The following NIPBL variants were observed in gnomAD, a reference collection of about 807,000 sequenced individuals.
NIPBL encodes nipped-B-like protein.
In NIPBL, 19 loss-of-function variants were observed where a neutral mutation model predicts 321.8. That is an observed-to-expected ratio of 0.06 (90% CI 0.04 to 0.09). The LOEUF (loss-of-function observed/expected upper bound fraction) is 0.09. NIPBL is among the 10% of genes least tolerant of loss of function. The pLI, the probability that NIPBL is intolerant of heterozygous loss-of-function variation, is 1.00. For missense variants in NIPBL, 2,210 were observed against 3,327.0 expected, an observed-to-expected ratio of 0.66 and a Z score of 8.26; for synonymous variants, 1,106 against 1,114.1, an observed-to-expected ratio of 0.99 and a Z score of 0.14.
chr5:36,878,285 G>A lies in NIPBL; in HGVS notation c.-80+1107G>A, dbSNP rs903389678. Among the ~76,000 whole-genome samples, 65 of 152,196 alleles carry A rather than the reference G, an allele frequency of 4.3e-4. 1 individual carries two copies. Among genetic ancestry groups the A allele is most frequent in the Admixed American group, 4.1e-3 (62 of 15,278 alleles). On this transcript the variant is annotated intron_variant, in intron 1 of 46. Transcript: ENST00000282516. ...CATGATGTTTGACTGTGTAATGAGA[G>A]AGGTGTCATTTTAATAGGTTAAATG... is the stretch of plus-strand genomic sequence containing the variant.
rs761463091 is a variant in NIPBL, at chr5:36,985,524, C to T, written c.2344C>T (p.His782Tyr). Reference sequence around the variant, plus strand: ...AGAGAAAAAACCTGAAGTGTCTAAACATAAACAAGATACTAAATCTGACTC... The same window carrying T: ...AGAGAAAAAACCTGAAGTGTCTAAATATAAACAAGATACTAAATCTGACTC... ...STEKKPEVSK[H>Y]KQDTKSDSPR... The change falls in exon 10 of 47, where the codon CAT becomes TAT. Residue 782 changes from histidine to tyrosine, a missense_variant. His to Tyr is a moderately conservative substitution (Grantham distance 83). This residue lies in a region of NIPBL where 588 missense variants were observed against 564.1 expected (regional missense o/e 1.04). Coordinates refer to ENST00000282516, the MANE Select transcript of NIPBL (RefSeq NM_133433.4). 1.3e-5 allele frequency: 21 copies of T among 1,613,494 alleles called. No individual in the cohort carries two copies. The highest frequency in any genetic ancestry group is 3.3e-5 in the Admixed American group (2 of 59,882).
chr5:37,024,788 A>C (rs1750064597), intron 30 of NIPBL, 69 bp downstream of exon 30: 1 of 1,249,886 alleles, frequency 8.0e-7, no homozygotes, highest in South Asian at 1.3e-5. Flanking sequence ...ATTGCACCTA[A>C]ATGTTGATTT....
chr5:36,975,701 T>TA (rs1743357504), intron 8 of NIPBL, 75 bp from the exon 9 acceptor site: 1 of 1,357,394 alleles, frequency 7.4e-7, no homozygotes, highest in Middle Eastern at 1.8e-4. Context: ...TATTGTCACT[T>TA]ATTAATATTT....
At chr5:36,937,001 A>G (rs1395776665) in intron 1 of NIPBL, among the ~76,000 whole-genome samples, 3 of 152,108 alleles carry the variant, frequency 2.0e-5, no homozygotes, top group African/African-American at 7.2e-5. Context: ...TCTATAAAGG[A>G]GAATTTGTGA....
Position 37,017,126 on chromosome 5 carries a change from A to C in NIPBL, c.4884A>C (p.Lys1628Asn), listed in dbSNP as rs776975871. The C allele has an allele frequency of 5.0e-6, 8 of 1,612,600 alleles. No homozygotes were observed. The East Asian group carries it at 1.8e-4, about 36-fold the overall frequency. The change falls in exon 24 of 47, where the codon AAA (lysine) becomes AAC (asparagine). Residue 1628 changes from lysine (K) to asparagine (N), a missense_variant. Coordinates refer to ENST00000282516, the MANE Select transcript of NIPBL (RefSeq NM_133433.4). Reference protein sequence around the residue: ...ARLRKDAVTSKMDQGSIERIL... With the variant: ...ARLRKDAVTSNMDQGSIERIL... ...TAAGAAAAGATGCTGTTACAAGCAAAATGGATCAAGGATCTATAGAACGCA... is the reference window on the plus strand; with the variant it reads ...TAAGAAAAGATGCTGTTACAAGCAACATGGATCAAGGATCTATAGAACGCA...
At chr5:36,967,835 C>A (rs757939242) in intron 6 of NIPBL, among the ~76,000 whole-genome samples, 38 of 152,098 alleles carry the variant, frequency 2.5e-4, no homozygotes, top group Non-Finnish European at 5.1e-4. Flanking sequence ...CATGATTGCT[C>A]ACTCTTGTAA....
At chr5:37,062,070 G>A (rs1197073008) in intron 45 of NIPBL, among the ~76,000 whole-genome samples, 1 of 152,132 alleles carries the variant, frequency 6.6e-6, no homozygotes, top group African/African-American at 2.4e-5. Flanking sequence ...TCAAACTCCT[G>A]ACCTCAGGTG....
At chr5:37,024,494 T>A in intron 29 of NIPBL, 91 bp from the exon 30 acceptor site, 1 of 1,051,772 alleles carries the variant, frequency 9.5e-7, no homozygotes, top group Non-Finnish European at 1.4e-6. Flanking sequence ...TAACAAATAG[T>A]GAATATACTG....
chr5:37,001,364 G>C (rs554822107), intron 14 of NIPBL, among the ~76,000 whole-genome samples: 1 of 152,082 alleles, frequency 6.6e-6, no homozygotes, highest in African/African-American at 2.4e-5. Flanking sequence ...TTGAAATCTA[G>C]TTGTAAAGTC....
At chr5:36,973,886 TG>T (rs1245977521) in intron 8 of NIPBL, among the ~76,000 whole-genome samples, 1 of 152,196 alleles carries the variant, frequency 6.6e-6, no homozygotes, top group Non-Finnish European at 1.5e-5. Flanking sequence ...TGGGTCCATG[TG>T]TTTTCATTGT....
chr5:37,036,534 TA>T lies in NIPBL; in HGVS notation c.5971+48del, dbSNP rs758089680. On this transcript the variant is annotated intron_variant, in intron 33 of 46. Coordinates refer to ENST00000282516, the MANE Select transcript of NIPBL (RefSeq NM_133433.4). ...TTGATCTTTAGTTGATTTTATAAGA[TA>T]TTTTTAAATATTTTGAGTAAATTTC... 3.5e-5 allele frequency: 26 copies of T among 748,198 alleles called. No individual in the cohort carries two copies. In the South Asian group the frequency reaches 4.5e-4, roughly 13 times the overall value. 46.3% of individuals were successfully genotyped at this position (748,198 alleles called of 1,614,324 possible). A position where few individuals can be genotyped will look rare whatever the true frequency, so the allele number is the denominator to read the frequency against.
chr5:37,000,349 T>C, intron 11 of NIPBL, 24 bp from the exon 12 acceptor site: 1 of 1,607,382 alleles, frequency 6.2e-7, no homozygotes, highest in South Asian at 1.1e-5. Flanking sequence ...AGGTAAATTA[T>C]TTGTCATGGG....
chr5:36,960,927 G>C (rs1359640835), intron 4 of NIPBL, among the ~76,000 whole-genome samples: 1 of 152,140 alleles, frequency 6.6e-6, no homozygotes, highest in Admixed American at 6.5e-5. Flanking sequence ...AAGAGTTATT[G>C]TGAAAGAAGG....
chr5:36,905,480 T>C (rs1432292520), intron 1 of NIPBL, among the ~76,000 whole-genome samples: 3 of 152,164 alleles, frequency 2.0e-5, no homozygotes, highest in Non-Finnish European at 2.9e-5. Context: ...TTTACATGTG[T>C]GAGTGAGGCG....
chr5:36,972,485 A>G (rs1171654381), intron 8 of NIPBL, among the ~76,000 whole-genome samples: 1 of 151,866 alleles, frequency 6.6e-6, no homozygotes, highest in Non-Finnish European at 1.5e-5. Context: ...GATTTCTATT[A>G]TTAGACCTTT....
intron 10 of NIPBL, among the ~76,000 whole-genome samples, chr5:36,991,589 A>C (rs1217738905): frequency 6.6e-6 from 1 of 152,072 alleles, no homozygotes; most frequent in African/African-American, 2.4e-5. Context: ...TTACTTACAT[A>C]ATGAGTAGTA....
chr5:36,977,005 A>G (rs1334265586), intron 9 of NIPBL, among the ~76,000 whole-genome samples: 1 of 152,006 alleles, frequency 6.6e-6, no homozygotes, highest in African/African-American at 2.4e-5. Context: ...GTATGTTAGG[A>G]TGGAGTTTCA....
intron 1 of NIPBL, 35 bp from the exon 2 acceptor site, chr5:36,953,583 T>C (rs1176324240): frequency 3.5e-6 from 3 of 869,092 alleles, no homozygotes; most frequent in Admixed American, 1.7e-5. Context: ...ATCTGACATA[T>C]CTCTACAAAT....
At chr5:37,035,767 G>A (rs907480510) in intron 32 of NIPBL, among the ~76,000 whole-genome samples, 1 of 152,120 alleles carries the variant, frequency 6.6e-6, no homozygotes, top group Non-Finnish European at 1.5e-5. Flanking sequence ...AATTAGATTA[G>A]CTAGCTTTTC....
Sources: gnomAD v4.1 joint callset for allele counts (sites outside exome capture counted in the v4.1 genomes callset) on GRCh38, gnomAD v4.1.1 for gene constraint, gnomAD v4.1.1 regional missense constraint, MANE v1.5 for transcripts, NCBI Gene and HGNC (gene_info 2026-07-23, HGNC 2026-07-21) for gene names.